MTUS1: variants seen among roughly 807,000 people sequenced by gnomAD.
MTUS1 encodes microtubule-associated tumor suppressor 1.
Under a neutral mutation model 120.8 loss-of-function variants are expected in MTUS1, and 109 were observed. The observed-to-expected ratio is 0.90, with a 90% CI of 0.77 to 1.06. The LOEUF (loss-of-function observed/expected upper bound fraction) is 1.06, where lower values mean the gene tolerates loss of function less well. MTUS1 is among the 50% of genes least tolerant of loss of function. The pLI is 0.00. For missense variants in MTUS1, 2,210 were observed against 1,486.3 expected (o/e 1.49, Z -8.01); for synonymous variants, 737 against 550.5 (o/e 1.34, Z -4.74).
intron 1 of MTUS1, among the ~76,000 whole-genome samples, chr8:17,756,917 T>C (rs1407280155): frequency 6.6e-6 from 1 of 152,136 alleles, no homozygotes; most frequent in Non-Finnish European, 1.5e-5. Flanking sequence ...TCTTCAACTT[T>C]CCAGCCTCCA....
intron 3 of MTUS1, among the ~76,000 whole-genome samples, chr8:17,735,861 G>C (rs978919890): frequency 3.9e-5 from 6 of 152,216 alleles, no homozygotes; most frequent in Non-Finnish European, 7.3e-5. Context: ...TCACCGTCTA[G>C]AAGGAGACAG....
chr8:17,713,409 A>G (rs1821718031), intron 5 of MTUS1, among the ~76,000 whole-genome samples, 157 bp from the exon 6 acceptor site: 1 of 152,178 alleles, frequency 6.6e-6, no homozygotes, highest in Non-Finnish European at 1.5e-5. Flanking sequence ...ACTTTTGTCA[A>G]GTGCATTTTA....
chr8:17,722,503 A>T (rs2045918980), intron 4 of MTUS1: 1 of 985,200 alleles, frequency 1.0e-6, no homozygotes, highest in African/African-American at 1.7e-5. Flanking sequence ...AGCTGGTAAC[A>T]ATCCTGTTTA....
At chr8:17,692,421 G>A (rs1342262145) in intron 6 of MTUS1, among the ~76,000 whole-genome samples, 1 of 152,058 alleles carries the variant, frequency 6.6e-6, no homozygotes, top group Admixed American at 6.5e-5. Context: ...GAGGATTCCT[G>A]ACACGGCAGA....
intron 7 of MTUS1, among the ~76,000 whole-genome samples, chr8:17,683,854 T>C (rs577032872): frequency 2.6e-5 from 4 of 152,276 alleles, no homozygotes; most frequent in African/African-American, 9.6e-5. Context: ...ACCACAGAGA[T>C]TGTTTTAGGA....
intron 8 of MTUS1, among the ~76,000 whole-genome samples, chr8:17,656,524 T>C (rs1210788746): frequency 6.9e-6 from 1 of 145,446 alleles, no homozygotes; most frequent in Non-Finnish European, 1.5e-5. Flanking sequence ...TGAGACTCCA[T>C]CTCAAAAACA....
intron 4 of MTUS1, chr8:17,721,644 A>C: frequency 1.3e-6 from 2 of 1,488,976 alleles, no homozygotes; most frequent in East Asian, 2.3e-5. Flanking sequence ...AAGAGATCCT[A>C]AATCAATTTA....
intron 1 of MTUS1, among the ~76,000 whole-genome samples, chr8:17,783,825 C>A (rs575069220): frequency 1.3e-5 from 2 of 152,196 alleles, no homozygotes; most frequent in African/African-American, 4.8e-5. Flanking sequence ...TAACGGCAAT[C>A]TGAGGCTCTG....
chr8:17,672,771 C>T (rs3739411), intron 8 of MTUS1, among the ~76,000 whole-genome samples: 73,005 of 152,034 alleles, frequency 0.48, 19,996 homozygotes, highest in Middle Eastern at 0.69. Flanking sequence ...ACTCGGGAGG[C>T]AGGAGAAGCA....
At chr8:17,735,049 G>T (rs2046833891) in intron 3 of MTUS1, among the ~76,000 whole-genome samples, 1 of 152,110 alleles carries the variant, frequency 6.6e-6, no homozygotes, top group Non-Finnish European at 1.5e-5. Context: ...GTAGCTAGTA[G>T]CTGAGACCAC....
intron 3 of MTUS1, among the ~76,000 whole-genome samples, chr8:17,726,612 T>C (rs1394048838): frequency 6.6e-6 from 1 of 152,238 alleles, no homozygotes; most frequent in African/African-American, 2.4e-5. Context: ...TTTACAAGCT[T>C]ATTTGAATCT....
intron 8 of MTUS1, among the ~76,000 whole-genome samples, chr8:17,670,440 C>G (rs1811781056): frequency 6.6e-6 from 1 of 152,180 alleles, no homozygotes; most frequent in African/African-American, 2.4e-5. Context: ...AGCCACTTGA[C>G]AGACTTTCCC....
intron 6 of MTUS1, among the ~76,000 whole-genome samples, chr8:17,694,085 A>G (rs1334248040): frequency 1.3e-5 from 2 of 152,078 alleles, no homozygotes; most frequent in African/African-American, 4.8e-5. Context: ...TTACCTATTA[A>G]TTTTTTGTGT....
At position 17,755,960 on chromosome 8, in the gene MTUS1, C is replaced by T. The variant is rs2048577883; in HGVS notation, c.-153G>A. Reference sequence around the variant, plus strand: ...TCTGAAGATTAAATGATTTGTTGTTCCCTGGAAGAAATAAAATGTTTAACT... The same window carrying T: ...TCTGAAGATTAAATGATTTGTTGTTTCCTGGAAGAAATAAAATGTTTAACT... On this transcript the variant is annotated splice_region_variant and 5_prime_UTR_variant, in exon 2 of 15. Transcript: ENST00000693296. 10 of 1,414,888 alleles carry T rather than the reference C, an allele frequency of 7.1e-6. No homozygotes were observed. The Admixed American group carries it at 1.9e-4, about 27-fold the overall frequency. The allele number at this position is 1,414,888 out of a possible 1,614,324, so 87.6% of individuals were successfully genotyped here.
At chr8:17,652,521 G>A (rs755500145) in intron 12 of MTUS1, among the ~76,000 whole-genome samples, 1 of 151,970 alleles carries the variant, frequency 6.6e-6, no homozygotes, top group Non-Finnish European at 1.5e-5. Context: ...ACTGCTAATG[G>A]GTCCAGGGTT....
At chr8:17,768,125 G>T (rs1210354241) in intron 1 of MTUS1, among the ~76,000 whole-genome samples, 3 of 152,208 alleles carry the variant, frequency 2.0e-5, no homozygotes, top group Non-Finnish European at 2.9e-5. Flanking sequence ...AATATTTAAA[G>T]AAGGAAGCCA....
At chr8:17,665,663 A>G (rs1810740867) in intron 8 of MTUS1, among the ~76,000 whole-genome samples, 2 of 152,168 alleles carry the variant, frequency 1.3e-5, no homozygotes, top group African/African-American at 4.8e-5. Flanking sequence ...GCCCGGCCCT[A>G]GAACTCCAGC....
At chr8:17,670,187 G>C (rs953440735) in intron 8 of MTUS1, among the ~76,000 whole-genome samples, 3 of 152,222 alleles carry the variant, frequency 2.0e-5, no homozygotes, top group Non-Finnish European at 2.9e-5. Context: ...ACGCTGCATG[G>C]CGCTCAGGAA....
intron 8 of MTUS1, among the ~76,000 whole-genome samples, chr8:17,674,070 T>C (rs1349628792): frequency 6.6e-6 from 1 of 152,146 alleles, no homozygotes; most frequent in African/African-American, 2.4e-5. Flanking sequence ...GTTGATTCTC[T>C]AGGTTGAGGA....
Sources: allele counts gnomAD v4.1 joint callset (sites outside exome capture counted in the v4.1 genomes callset), GRCh38; gene constraint gnomAD v4.1.1; transcripts MANE v1.5; gene names NCBI Gene and HGNC (gene_info 2026-07-23, HGNC 2026-07-21).